Variants in PHF21A observed in about 807,000 individuals in gnomAD.
The protein encoded by PHF21A is BHC80a.
Under a neutral mutation model 82.5 loss-of-function variants are expected in PHF21A, and 11 were observed. The observed-to-expected ratio is 0.13, with a 90% CI of 0.08 to 0.22. The LOEUF is 0.22. Ranked by LOEUF, PHF21A falls within the 10% of genes least tolerant of loss-of-function variation. The probability of loss-of-function intolerance (pLI) is 1.00; values close to 1 mark genes in which losing one functional copy is unlikely to be tolerated. For synonymous variants in PHF21A, 297 were observed against 302.8 expected (o/e 0.98, Z 0.20); for missense variants, 579 against 837.8 (o/e 0.69, Z 3.81).
chr11:45,987,951 C>A (rs899882403), intron 6 of PHF21A, among the ~76,000 whole-genome samples: 2 of 152,150 alleles, frequency 1.3e-5, no homozygotes, highest in Non-Finnish European at 2.9e-5. Context: ...CTGTGGTTTT[C>A]CTCACAAAAG....
At chr11:46,101,300 G>A (rs2135734627) in intron 1 of PHF21A, among the ~76,000 whole-genome samples, 1 of 152,304 alleles carries the variant, frequency 6.6e-6, no homozygotes, top group African/African-American at 2.4e-5. Context: ...GGGATTACCA[G>A]TATTAAACTA....
intron 1 of PHF21A, chr11:46,119,741 G>GA (rs1852495851): frequency 3.2e-5 from 1 of 30,940 alleles, no homozygotes; most frequent in Non-Finnish European, 8.1e-5. Context: ...AACGTGGTCA[G>GA]GGGAAAAAAA....
chr11:46,115,396 G>C (rs2097276349), intron 1 of PHF21A, among the ~76,000 whole-genome samples: 1 of 151,962 alleles, frequency 6.6e-6, no homozygotes, highest in Admixed American at 6.6e-5. Context: ...ACACATATAA[G>C]AATTATACGA....
chr11:46,018,722 T>A (rs557819607), intron 6 of PHF21A, among the ~76,000 whole-genome samples: 23 of 152,128 alleles, frequency 1.5e-4, no homozygotes, highest in African/African-American at 4.3e-4. Flanking sequence ...TTTTTTTTTT[T>A]AAATTCAAGA....
rs538020051 is a variant in PHF21A, at chr11:46,072,491, G to A, written c.153+4263C>T. ...GGAGGAACCTGGGTTCCCTGACATC[G>A]TGGAACCACTCTCAGCAGCCCTAGC... On this transcript the variant is annotated intron_variant, in intron 6 of 18. Coordinates refer to ENST00000676320, the MANE Select transcript of PHF21A (RefSeq NM_001352027.3). 5.9e-5 allele frequency among the ~76,000 whole-genome samples: 9 copies of A among 152,324 alleles called. No individual in the cohort carries two copies. The East Asian group carries it at 9.6e-4, about 16-fold the overall frequency.
chr11:46,058,196 A>C (rs762188169), intron 6 of PHF21A, among the ~76,000 whole-genome samples: 1 of 152,182 alleles, frequency 6.6e-6, no homozygotes, highest in Non-Finnish European at 1.5e-5. Flanking sequence ...AGAAAGGTTA[A>C]ACTGCTAATA....
chr11:46,100,876 ACT>A (rs2097086632), intron 1 of PHF21A, among the ~76,000 whole-genome samples: 1 of 152,224 alleles, frequency 6.6e-6, no homozygotes, highest in Non-Finnish European at 1.5e-5. Context: ...GTTTCTAACC[ACT>A]GTTACCACGT....
At chr11:45,942,803 G>C (rs2135294321) in intron 15 of PHF21A, among the ~76,000 whole-genome samples, 1 of 152,256 alleles carries the variant, frequency 6.6e-6, no homozygotes, top group African/African-American at 2.4e-5. Context: ...CCACTAGTAG[G>C]TTCTGAGAAC....
chr11:46,014,624 A>G (rs1459293648), intron 6 of PHF21A, among the ~76,000 whole-genome samples: 1 of 152,206 alleles, frequency 6.6e-6, no homozygotes, highest in African/African-American at 2.4e-5. Flanking sequence ...TCCCACCAAC[A>G]GTATATGTGT....
intron 15 of PHF21A, among the ~76,000 whole-genome samples, chr11:45,945,481 C>T (rs2091159019): frequency 6.6e-6 from 1 of 152,170 alleles, no homozygotes; most frequent in South Asian, 2.1e-4. Flanking sequence ...GACTGTATGT[C>T]TTGTTCATTT....
rs1326970335 is a variant in PHF21A, at chr11:45,990,019, A to G, written c.154-10053T>C. On this transcript the variant is annotated intron_variant, in intron 6 of 18. Coordinates refer to ENST00000676320, the MANE Select transcript of PHF21A (RefSeq NM_001352027.3). ...AAAATAAATAAATAAAATTAAAAGA[A>G]AGAGAATTTTTTAAATCTTAAGCCT... Among the ~76,000 whole-genome samples, 3 of 152,272 alleles carry G rather than the reference A, an allele frequency of 2.0e-5. No homozygotes were observed. The East Asian group carries it at 5.8e-4, about 29-fold the overall frequency.
intron 6 of PHF21A, among the ~76,000 whole-genome samples, chr11:46,060,166 T>C (rs1047138874): frequency 2.6e-5 from 4 of 152,176 alleles, no homozygotes; most frequent in African/African-American, 9.7e-5. Context: ...TAAACATGCA[T>C]GACTTTTTCA....
At chr11:45,961,173 G>A (rs1022716367) in intron 10 of PHF21A, among the ~76,000 whole-genome samples, 7 of 152,104 alleles carry the variant, frequency 4.6e-5, no homozygotes, top group East Asian at 1.9e-4. Flanking sequence ...TCTCCTCTTC[G>A]AACCCACGGT....
At chr11:46,086,427 T>A (rs574325450) in intron 3 of PHF21A, among the ~76,000 whole-genome samples, 34 of 152,292 alleles carry the variant, frequency 2.2e-4, no homozygotes, top group African/African-American at 7.9e-4. Context: ...CCAGCTATTA[T>A]CTTTTAAAAT....
Position 45,969,334 on chromosome 11 carries a change from A to T in PHF21A, c.702+481T>A, listed in dbSNP as rs557599267. ...CCTAGGGAGAAAGTCCTCTGTACAG[A>T]CCCCTAGCCTAAGCCTTTAGAAGCA... is the stretch of plus-strand genomic sequence containing the variant. On this transcript the variant is annotated intron_variant, in intron 9 of 18. Transcript: ENST00000676320. 2.6e-5 allele frequency among the ~76,000 whole-genome samples: 4 copies of T among 152,220 alleles called. No individual in the cohort carries two copies. In the South Asian group the frequency reaches 8.3e-4, roughly 32 times the overall value.
At chr11:46,064,625 T>A (rs904490822) in intron 6 of PHF21A, among the ~76,000 whole-genome samples, 1 of 152,220 alleles carries the variant, frequency 6.6e-6, no homozygotes, top group Non-Finnish European at 1.5e-5. Flanking sequence ...GTCTGGTTCT[T>A]ATACCCTAAT....
chr11:46,112,736 C>T (rs559740181), intron 1 of PHF21A, among the ~76,000 whole-genome samples: 26 of 152,142 alleles, frequency 1.7e-4, no homozygotes, highest in South Asian at 8.3e-4. Context: ...TCCAACCTTA[C>T]GGAACAACTA....
intron 1 of PHF21A, among the ~76,000 whole-genome samples, chr11:46,099,440 T>C (rs1198839497): frequency 6.6e-6 from 1 of 151,932 alleles, no homozygotes; most frequent in Non-Finnish European, 1.5e-5. Context: ...TTGTGTTCCA[T>C]CCTGCCTCAC....
At chr11:46,095,817 C>T (rs1175458805) in intron 1 of PHF21A, among the ~76,000 whole-genome samples, 1 of 152,046 alleles carries the variant, frequency 6.6e-6, no homozygotes, top group Non-Finnish European at 1.5e-5. Context: ...CACCCTACTA[C>T]AAATTTCAAA....
Sources: gnomAD v4.1 joint callset for allele counts (sites outside exome capture counted in the v4.1 genomes callset) on GRCh38, gnomAD v4.1.1 for gene constraint, MANE v1.5 for transcripts, NCBI Gene and HGNC (gene_info 2026-07-23, HGNC 2026-07-21) for gene names.